The following RBFOX1 variants were observed in gnomAD, a reference collection of about 807,000 sequenced individuals.
RBFOX1 encodes the protein RNA binding protein fox-1 homolog 1.
RBFOX1 carries 8 observed loss-of-function variants against 57.7 expected under a neutral mutation model. That is an observed-to-expected ratio of 0.14 (90% CI 0.08 to 0.25). RBFOX1 has a LOEUF of 0.25. RBFOX1 is among the 10% of genes least tolerant of loss of function. The pLI is 1.00. For missense variants in RBFOX1, 611 were observed against 548.5 expected (o/e 1.11, Z -1.14); for synonymous variants, 326 against 222.4 (o/e 1.47, Z -4.15).
At chr16:7,134,984 A>G (rs946380123) in intron 4 of RBFOX1, among the ~76,000 whole-genome samples, 10 of 151,998 alleles carry the variant, frequency 6.6e-5, no homozygotes, top group Admixed American at 2.0e-4. Flanking sequence ...GAATTATCCA[A>G]TCTTTGCAAA....
At chr16:6,238,582 AC>A (rs1206571063) in intron 1 of RBFOX1, among the ~76,000 whole-genome samples, 1 of 152,136 alleles carries the variant, frequency 6.6e-6, no homozygotes, top group Non-Finnish European at 1.5e-5. Flanking sequence ...GTGATTCTCA[AC>A]CCTGGCTTCA....
In RBFOX1 at chr16:5,608,017, G is replaced by T. The variant is rs143105108; in HGVS notation, c.318+9056G>T. ...GTGGACGCAGGTACTCATTTATCTG[G>T]GGAATATACCTAGGAGTGTGTCTCT... is the stretch of plus-strand genomic sequence containing the variant. On this transcript the variant is annotated intron_variant, in intron 3 of 19. Transcript: ENST00000641259. 5.6e-3 allele frequency among the ~76,000 whole-genome samples: 847 copies of T among 152,256 alleles called. 12 individuals are homozygous for T. Among genetic ancestry groups the T allele is most frequent in the African/African-American group, 0.02 (813 of 41,546 alleles).
At chr16:6,817,976 C>T (rs112552808) in intron 3 of RBFOX1, among the ~76,000 whole-genome samples, 18 of 152,172 alleles carry the variant, frequency 1.2e-4, no homozygotes, top group Admixed American at 7.8e-4. Context: ...GTTTTAAACG[C>T]AGGCCTGCCA....
At position 5,304,195 on chromosome 16, in the gene RBFOX1, C is replaced by G. The variant is rs747703761; in HGVS notation, c.219+64090C>G. Among the ~76,000 whole-genome samples, 72 of 152,214 alleles carry G rather than the reference C, an allele frequency of 4.7e-4. 1 individual carries two copies. The highest frequency in any genetic ancestry group is 3.8e-4 in the Non-Finnish European group (26 of 68,040). ...ATCTCAGAGTGAGTTTTATTGGAATCTGTAGCTCACAAAACATTGCTTTCT... is the reference window on the plus strand; with the variant it reads ...ATCTCAGAGTGAGTTTTATTGGAATGTGTAGCTCACAAAACATTGCTTTCT... On this transcript the variant is annotated intron_variant, in intron 1 of 2. Coordinates refer to the RBFOX1 transcript ENST00000585867.
intron 4 of RBFOX1, among the ~76,000 whole-genome samples, chr16:7,488,558 A>T (rs568659338): frequency 2.4e-4 from 35 of 145,088 alleles, no homozygotes; most frequent in African/African-American, 8.3e-4. Context: ...ACATACATCA[A>T]TCCATCATAT....
At chr16:7,637,811 A>T (rs1471297960) in intron 11 of RBFOX1, among the ~76,000 whole-genome samples, 1 of 152,218 alleles carries the variant, frequency 6.6e-6, no homozygotes, top group African/African-American at 2.4e-5. Context: ...TAAGCAAGTG[A>T]CGTGCTCACT....
At chr16:7,523,274 T>C (rs1490807101) in intron 5 of RBFOX1, among the ~76,000 whole-genome samples, 1 of 152,184 alleles carries the variant, frequency 6.6e-6, no homozygotes, top group Non-Finnish European at 1.5e-5. Flanking sequence ...TTTTGGGTAA[T>C]GGAGAAATAA....
chr16:6,948,375 C>CTTTT lies in RBFOX1; in HGVS notation c.-15-103656_-15-103653dup, dbSNP rs968186299. Among the ~76,000 whole-genome samples, 372 of 67,984 alleles carry CTTTT rather than the reference C, an allele frequency of 5.5e-3. 23 individuals carry two copies. The highest frequency in any genetic ancestry group is 0.01 in the African/African-American group (153 of 14,880). 44.6% of individuals were successfully genotyped at this position (67,984 alleles called of 152,430 possible). ...TACATGTCCTTTTCTTTCTCCCTTTCTTTTTTTTTTTTTTTTTTTTTTTTT... is the reference window on the plus strand; with the variant it reads ...TACATGTCCTTTTCTTTCTCCCTTTCTTTTTTTTTTTTTTTTTTTTTTTTTTTTT... On this transcript the variant is annotated intron_variant, in intron 3 of 15. Transcript: ENST00000550418.
At chr16:6,965,948 C>T (rs753673279) in intron 3 of RBFOX1, among the ~76,000 whole-genome samples, 3 of 152,044 alleles carry the variant, frequency 2.0e-5, no homozygotes, top group Non-Finnish European at 2.9e-5. Context: ...GATCCAGTGC[C>T]AGGTTTTTAA....
At chr16:6,528,214 C>T (rs2096608511) in intron 2 of RBFOX1, among the ~76,000 whole-genome samples, 1 of 152,140 alleles carries the variant, frequency 6.6e-6, no homozygotes, top group South Asian at 2.1e-4. Context: ...ATAGTAGTTG[C>T]TCAATAAATA....
intron 4 of RBFOX1, among the ~76,000 whole-genome samples, chr16:7,279,788 T>C (rs534759744): frequency 5.1e-4 from 78 of 152,298 alleles, no homozygotes; most frequent in African/African-American, 1.8e-3. Context: ...CTTTCTCTTA[T>C]GTGAAATCCC....
chr16:6,981,227 C>G (rs548230943), intron 3 of RBFOX1, among the ~76,000 whole-genome samples: 2 of 151,814 alleles, frequency 1.3e-5, no homozygotes, highest in East Asian at 3.9e-4. Flanking sequence ...AGGTATTAAG[C>G]CTAGTACTCA....
At chr16:7,255,746 A>T (rs11866899) in intron 4 of RBFOX1, among the ~76,000 whole-genome samples, 36,738 of 152,128 alleles carry the variant, frequency 0.24, 5,119 homozygotes, top group Middle Eastern at 0.4. Flanking sequence ...TATATCCAAC[A>T]TATTTCAATA....
At chr16:6,645,219 T>G (rs2098524133) in intron 2 of RBFOX1, among the ~76,000 whole-genome samples, 1 of 152,172 alleles carries the variant, frequency 6.6e-6, no homozygotes, top group South Asian at 2.1e-4. Flanking sequence ...TAATACAGAA[T>G]TTTCTCATTT....
intron 3 of RBFOX1, among the ~76,000 whole-genome samples, chr16:6,820,133 C>T (rs1419767945): frequency 1.3e-5 from 2 of 152,114 alleles, no homozygotes; most frequent in Non-Finnish European, 2.9e-5. Context: ...TTATAAAGGA[C>T]ACACTGTCTC....
At chr16:7,029,203 C>T (rs561396546) in intron 3 of RBFOX1, among the ~76,000 whole-genome samples, 6 of 47,596 alleles carry the variant, frequency 1.3e-4, no homozygotes, top group Middle Eastern at 7.8e-3. Context: ...CATATGTATA[C>T]GTATACGTAT....
chr16:5,669,943 C>T lies in RBFOX1; in HGVS notation c.318+70982C>T, dbSNP rs183419803. On this transcript the variant is annotated intron_variant, in intron 3 of 19. Coordinates refer to the RBFOX1 transcript ENST00000641259. ...AGGTAGAAACTAATCAAAAGCCCAT[C>T]GAGGGAAGACTAGATAAACACATTG... Among the ~76,000 whole-genome samples, 206 of 152,256 alleles carry T rather than the reference C, an allele frequency of 1.4e-3. 3 individuals are homozygous for T. Among genetic ancestry groups the T allele is most frequent in the African/African-American group, 4.1e-3 (170 of 41,520 alleles).
intron 1 of RBFOX1, among the ~76,000 whole-genome samples, chr16:6,303,363 A>G (rs2079056151): frequency 6.6e-6 from 1 of 151,914 alleles, no homozygotes; most frequent in Admixed American, 6.6e-5. Context: ...ATCGAGGCCT[A>G]CAGAGTGGAG....
rs191321013 is a variant in RBFOX1, at chr16:5,328,849, C to T, written c.219+88744C>T. 5.9e-5 allele frequency among the ~76,000 whole-genome samples: 9 copies of T among 152,320 alleles called. 1 individual carries two copies. The highest frequency in any genetic ancestry group is 2.2e-4 in the African/African-American group (9 of 41,556). ...CACAAAGAGAAGGGAGAACTCATGG[C>T]CCCAGACAGGGAAATTAACCATTAG... On this transcript the variant is annotated intron_variant, in intron 1 of 2. Coordinates refer to the RBFOX1 transcript ENST00000585867.
Sources: gnomAD v4.1 joint callset for allele counts (sites outside exome capture counted in the v4.1 genomes callset) on GRCh38, gnomAD v4.1.1 for gene constraint, MANE v1.5 for transcripts, NCBI Gene and HGNC (gene_info 2026-07-23, HGNC 2026-07-21) for gene names.